The following DDAH1 variants were observed in gnomAD, a reference collection of about 807,000 sequenced individuals.
DDAH1 encodes the protein N(G),N(G)-dimethylarginine dimethylaminohydrolase 1.
DDAH1 carries 19 observed loss-of-function variants against 28.8 expected under a neutral mutation model. The observed-to-expected ratio is 0.66, with a 90% CI of 0.46 to 0.97. The LOEUF (loss-of-function observed/expected upper bound fraction) is 0.97, where lower values mean the gene tolerates loss of function less well. Among genes scored for constraint, DDAH1 ranks in the 50% least tolerant of loss-of-function variants. The pLI is 0.00. For missense variants in DDAH1, 326 were observed against 375.9 expected (o/e 0.87, Z 1.10); for synonymous variants, 153 against 154.4 (o/e 0.99, Z 0.07).
At chr1:85,375,082 C>G (rs111812963) in intron 1 of DDAH1, among the ~76,000 whole-genome samples, 9 of 151,998 alleles carry the variant, frequency 5.9e-5, no homozygotes, top group African/African-American at 9.7e-5. Context: ...TCACAATTCA[C>G]AGTGTTTCTT....
intron 1 of DDAH1, among the ~76,000 whole-genome samples, chr1:85,574,905 A>T (rs1317969133): frequency 1.3e-5 from 2 of 151,852 alleles, no homozygotes; most frequent in East Asian, 3.9e-4. Context: ...ATATATATAT[A>T]TGTAATTAAT....
upstream of DDAH1, among the ~76,000 whole-genome samples, chr1:85,465,561 C>T (rs1655346303): frequency 6.6e-6 from 1 of 152,186 alleles, no homozygotes; most frequent in African/African-American, 2.4e-5. Flanking sequence ...CAAAGTCTAG[C>T]CCACTTTTGA....
At chr1:85,403,314 A>G (rs1025812939) in intron 1 of DDAH1, among the ~76,000 whole-genome samples, 4 of 152,092 alleles carry the variant, frequency 2.6e-5, no homozygotes, top group Admixed American at 2.6e-4. Flanking sequence ...TATGTAAAGT[A>G]AAACAGAATA....
chr1:85,386,567 A>T (rs916179853), intron 1 of DDAH1, among the ~76,000 whole-genome samples: 4 of 152,176 alleles, frequency 2.6e-5, no homozygotes, highest in African/African-American at 9.7e-5. Context: ...CACATGGTTG[A>T]TCTCATGAGT....
At chr1:85,424,004 G>A (rs1011274831) in intron 1 of DDAH1, among the ~76,000 whole-genome samples, 4 of 152,090 alleles carry the variant, frequency 2.6e-5, no homozygotes, top group Non-Finnish European at 4.4e-5. Context: ...TTAGCCTGTT[G>A]ATGTGGTGGA....
At chr1:85,537,917 A>AT (rs1364710401) in intron 1 of DDAH1, among the ~76,000 whole-genome samples, 2 of 152,098 alleles carry the variant, frequency 1.3e-5, no homozygotes, top group Non-Finnish European at 2.9e-5. Flanking sequence ...CACTAAGCAG[A>AT]TAAGTGTTCT....
intron 1 of DDAH1, among the ~76,000 whole-genome samples, chr1:85,443,422 T>G (rs1305064249): frequency 6.6e-6 from 1 of 152,194 alleles, no homozygotes; most frequent in Non-Finnish European, 1.5e-5. Flanking sequence ...CTGTTTTGGT[T>G]ACTGTAGCCT....
At chr1:85,394,805 A>G (rs1338167868) in intron 1 of DDAH1, among the ~76,000 whole-genome samples, 1 of 148,548 alleles carries the variant, frequency 6.7e-6, no homozygotes, top group Admixed American at 6.6e-5. Flanking sequence ...ATCTCAAAGT[A>G]ACATAATCTT....
chr1:85,501,925 T>C (rs572737137), intron 1 of DDAH1, among the ~76,000 whole-genome samples: 122 of 152,262 alleles, frequency 8.0e-4, no homozygotes, highest in African/African-American at 2.8e-3. Flanking sequence ...AATCTTGATT[T>C]TCCTCCTAAA....
chr1:85,359,559 A>G (rs1350736694), intron 1 of DDAH1, among the ~76,000 whole-genome samples: 2 of 152,232 alleles, frequency 1.3e-5, no homozygotes, highest in Non-Finnish European at 2.9e-5. Flanking sequence ...AGGAATATCA[A>G]TAACTCGTAA....
Position 85,543,771 on chromosome 1 carries a change from G to C in DDAH1, c.-123+34213C>G, listed in dbSNP as rs1288374731. Among the ~76,000 whole-genome samples, 4 of 152,122 alleles carry C rather than the reference G, an allele frequency of 2.6e-5. No homozygotes were observed. In the East Asian group the frequency reaches 7.7e-4, roughly 29 times the overall value. Reference sequence around the variant, plus strand: ...GGGGCTGAAAATAAATTCTGATACTGTTGATGAGAAGGGTTAGTTTCATAA... The same window carrying C: ...GGGGCTGAAAATAAATTCTGATACTCTTGATGAGAAGGGTTAGTTTCATAA... On this transcript the variant is annotated intron_variant, in intron 1 of 6. Coordinates refer to the DDAH1 transcript ENST00000426972.
At chr1:85,446,749 T>C (rs1392669455) in intron 1 of DDAH1, among the ~76,000 whole-genome samples, 1 of 152,104 alleles carries the variant, frequency 6.6e-6, no homozygotes, top group Non-Finnish European at 1.5e-5. Flanking sequence ...GCATATGGCT[T>C]AGTGTCATGG....
At chr1:85,567,705 AC>A (rs1659342464) in intron 1 of DDAH1, among the ~76,000 whole-genome samples, 2 of 152,244 alleles carry the variant, frequency 1.3e-5, no homozygotes, top group African/African-American at 4.8e-5. Flanking sequence ...TATCCATCTA[AC>A]AACAGAAGTT....
intron 1 of DDAH1, among the ~76,000 whole-genome samples, chr1:85,532,797 T>G (rs1156234497): frequency 6.6e-6 from 1 of 152,242 alleles, no homozygotes; most frequent in African/African-American, 2.4e-5. Flanking sequence ...CATTTGCTTT[T>G]TGCAACCCTT....
intron 1 of DDAH1, among the ~76,000 whole-genome samples, chr1:85,369,367 T>C (rs967226261): frequency 1.3e-4 from 20 of 152,022 alleles, no homozygotes; most frequent in African/African-American, 4.8e-4. Context: ...TCAGACAGAA[T>C]TTCTGGAAAT....
intron 1 of DDAH1, among the ~76,000 whole-genome samples, chr1:85,561,223 A>G (rs1272669691): frequency 1.3e-5 from 2 of 152,102 alleles, no homozygotes; most frequent in African/African-American, 4.8e-5. Flanking sequence ...TGCCTACCTC[A>G]AAGAGTTATT....
intron 2 of DDAH1, among the ~76,000 whole-genome samples, chr1:85,477,844 G>A (rs1655855683): frequency 6.6e-6 from 1 of 151,886 alleles, no homozygotes; most frequent in African/African-American, 2.4e-5. Context: ...AAAAAATGCT[G>A]TACAAATTGT....
At chr1:85,538,467 A>C (rs1658360747) in intron 1 of DDAH1, among the ~76,000 whole-genome samples, 2 of 152,266 alleles carry the variant, frequency 1.3e-5, no homozygotes, top group East Asian at 3.9e-4. Context: ...GGATTGCCCT[A>C]AAAGGGGAAC....
intron 1 of DDAH1, among the ~76,000 whole-genome samples, chr1:85,555,189 C>G (rs1020283705): frequency 6.6e-6 from 1 of 152,110 alleles, no homozygotes; most frequent in African/African-American, 2.4e-5. Flanking sequence ...TTGGAATGAA[C>G]AAAAAGAAAG....
Sources: gnomAD v4.1 joint callset for allele counts (sites outside exome capture counted in the v4.1 genomes callset) on GRCh38, gnomAD v4.1.1 for gene constraint, MANE v1.5 for transcripts, NCBI Gene and HGNC (gene_info 2026-07-23, HGNC 2026-07-21) for gene names.